Variants in HFM1 observed in about 807,000 individuals in gnomAD.
HFM1 encodes the protein helicase for meiosis 1.
HFM1 carries 169 observed loss-of-function variants against 192.1 expected under a neutral mutation model. The observed-to-expected ratio is 0.88, with a 90% CI of 0.78 to 1.00. HFM1 has a LOEUF of 1.00. Ranked by LOEUF, HFM1 falls within the 50% of genes least tolerant of loss-of-function variation. The probability of loss-of-function intolerance (pLI) is 0.00; values close to 1 mark genes in which losing one functional copy is unlikely to be tolerated. For missense variants in HFM1, 1,661 were observed against 1,668.0 expected (o/e 1.00, Z 0.07); for synonymous variants, 525 against 537.8 (o/e 0.98, Z 0.33).
At chr1:91,394,533 C>T (rs1663411829) in intron 3 of HFM1, 131 bp from the exon 4 acceptor site, 6 of 602,468 alleles carry the variant, frequency 1.0e-5, no homozygotes, top group Non-Finnish European at 1.7e-5. Flanking sequence ...GTAATAAGCT[C>T]ATCTGTAATA....
At chr1:91,277,214 T>A (rs1666910541) in intron 30 of HFM1, 152 bp from the exon 31 acceptor site, 1 of 450,628 alleles carries the variant, frequency 2.2e-6, no homozygotes, top group Non-Finnish European at 3.8e-6. Context: ...CCACGTAATT[T>A]TTTTTTTAAT....
chr1:91,292,858 T>G (rs1057486739), intron 30 of HFM1, among the ~76,000 whole-genome samples: 1 of 152,048 alleles, frequency 6.6e-6, no homozygotes, highest in African/African-American at 2.4e-5. Flanking sequence ...AACAGAGATA[T>G]AGATCAATGG....
intron 34 of HFM1, among the ~76,000 whole-genome samples, chr1:91,271,127 C>T (rs1034090052): frequency 9.9e-5 from 15 of 152,030 alleles, no homozygotes; most frequent in African/African-American, 3.4e-4. Context: ...ACGACCCAAT[C>T]GTCAGGTTAC....
Position 91,397,028 on chromosome 1 carries a change from G to A in HFM1, c.72-623C>T, listed in dbSNP as rs539667847. Reference sequence around the variant, plus strand: ...GGGCTCTAGGTTGCATGCTCCTTATGAGAATCTAACTAATGTCTGATGATC... The same window carrying A: ...GGGCTCTAGGTTGCATGCTCCTTATAAGAATCTAACTAATGTCTGATGATC... On this transcript the variant is annotated intron_variant, in intron 2 of 38. Transcript: ENST00000370425. Among the ~76,000 whole-genome samples the A allele has an allele frequency of 2.0e-5, 3 of 152,324 alleles. No homozygotes were observed. In the South Asian group the frequency reaches 6.2e-4, roughly 32 times the overall value.
At chr1:91,304,950 G>A (rs1649390986) in intron 30 of HFM1, among the ~76,000 whole-genome samples, 1 of 151,880 alleles carries the variant, frequency 6.6e-6, no homozygotes, top group Admixed American at 6.6e-5. Context: ...AATTGTTTTG[G>A]CATCCTTGTC....
At chr1:91,398,397 C>A (rs938599945) in intron 2 of HFM1, among the ~76,000 whole-genome samples, 1 of 152,128 alleles carries the variant, frequency 6.6e-6, no homozygotes, top group Non-Finnish European at 1.5e-5. Flanking sequence ...TTTATCATTT[C>A]CTTTGTGTTT....
intron 6 of HFM1, among the ~76,000 whole-genome samples, chr1:91,384,555 A>G (rs765189014): frequency 6.6e-6 from 1 of 152,072 alleles, no homozygotes; most frequent in African/African-American, 2.4e-5. Flanking sequence ...ACCCAGTTCA[A>G]CCCAATTTGG....
upstream of HFM1, among the ~76,000 whole-genome samples, chr1:91,406,600 AT>A (rs770726228): frequency 2.0e-5 from 3 of 152,232 alleles, no homozygotes; most frequent in Non-Finnish European, 4.4e-5. Flanking sequence ...ATGTTGCCAC[AT>A]TTCTCAAGAA....
intron 13 of HFM1, among the ~76,000 whole-genome samples, chr1:91,353,652 CAAAAAA>C (rs1553213572): frequency 3.1e-5 from 2 of 65,428 alleles, no homozygotes; most frequent in Non-Finnish European, 6.4e-5. Context: ...AGTAAATAAG[CAAAAAA>C]AAAAAAAAAA....
chr1:91,296,675 T>A (rs929789472), intron 30 of HFM1, among the ~76,000 whole-genome samples: 2 of 152,172 alleles, frequency 1.3e-5, no homozygotes, highest in Non-Finnish European at 2.9e-5. Flanking sequence ...CTTAATTAAG[T>A]ATGTTTTCCC....
At position 91,267,804 on chromosome 1, in the gene HFM1, T is replaced by G. The variant is rs376093340; in HGVS notation, c.3824A>C (p.Asp1275Ala). 7.8e-5 allele frequency: 123 copies of G among 1,580,972 alleles called. No homozygotes were observed. Among genetic ancestry groups the G allele is most frequent in the Non-Finnish European group, 9.7e-5 (113 of 1,168,592 alleles). ...GCTAGTAACTTCTAAGTTTTCATCA[T>G]CAAAATCATCCCAAACTTCATTTCC... ...ELGNEVWDDF[D>A]DENLEVTSFS... The change falls in exon 35 of 39, where the codon GAT (aspartate) becomes GCT (alanine). Residue 1275 changes from aspartate to alanine, a missense_variant. Transcript: ENST00000370425.
At position 91,352,562 on chromosome 1, in the gene HFM1, C is replaced by T. The variant is rs1429205574; in HGVS notation, c.1921G>A (p.Glu641Lys). ...AGAATATCTGTTTCACTGTACTCTT[C>T]AAACAGTCCTCCAGCATAATGCATT... ...STMHYAGGLFEEYSETDILQM... is the reference protein window; with the variant it reads ...STMHYAGGLFKEYSETDILQM... Residue 641 changes from glutamate to lysine, a missense_variant, in exon 16 of 39, where the codon GAA becomes AAA. Coordinates refer to ENST00000370425, the MANE Select transcript of HFM1 (RefSeq NM_001017975.6). 1 of 1,609,940 alleles carries T rather than the reference C, an allele frequency of 6.2e-7. No individual in the cohort carries two copies. Among genetic ancestry groups the T allele is most frequent in the South Asian group, 1.1e-5 (1 of 90,496 alleles).
rs758649359 is a variant in HFM1 at position 91,343,456 on chromosome 1, T to A, written c.2309A>T (p.Asp770Val). The change falls in exon 20 of 39, where the codon GAT becomes GTT. Residue 770 changes from aspartate (D) to valine (V), a missense_variant. By Grantham distance (152) the Asp-to-Val change is radical. Coordinates refer to ENST00000370425, the MANE Select transcript of HFM1 (RefSeq NM_001017975.6). The part of the protein sequence containing the change: ...DLSSLDLIKM[D>V]EGVNFKPTEA... ...AGTTGGTTTGAAATTAACACCTTCA[T>A]CCATCTTTATTAAGTCCAGGGATGA... The A allele has an allele frequency of 1.4e-6, 2 of 1,444,210 alleles. No individual in the cohort carries two copies. Among genetic ancestry groups the A allele is most frequent in the Admixed American group, 3.8e-5 (2 of 52,706 alleles). The allele number at this position is 1,444,210 out of a possible 1,614,324, so 89.5% of individuals were successfully genotyped here.
intron 30 of HFM1, among the ~76,000 whole-genome samples, chr1:91,307,832 CTCTT>C (rs1649865043): frequency 6.6e-6 from 1 of 151,898 alleles, no homozygotes; most frequent in African/African-American, 2.4e-5. Flanking sequence ...CTCTTTCTTC[CTCTT>C]TCTTTCTCTT....
At chr1:91,393,143 C>A (rs1663218619) in intron 4 of HFM1, among the ~76,000 whole-genome samples, 1 of 152,118 alleles carries the variant, frequency 6.6e-6, no homozygotes, top group Admixed American at 6.6e-5. Context: ...GCTGTTATTA[C>A]AAACATTATA....
intron 20 of HFM1, among the ~76,000 whole-genome samples, chr1:91,333,655 G>A (rs1430378221): frequency 6.6e-6 from 1 of 152,174 alleles, no homozygotes; most frequent in East Asian, 1.9e-4. Context: ...ATAAATACTT[G>A]AGGGGATGGA....
chr1:91,321,379 G>A (rs1438542068), intron 23 of HFM1, among the ~76,000 whole-genome samples: 3 of 152,160 alleles, frequency 2.0e-5, no homozygotes, highest in Non-Finnish European at 4.4e-5. Flanking sequence ...GGGAGGCAGA[G>A]GTTGCAGTGA....
intron 11 of HFM1, chr1:91,377,637 C>G (rs1284884205): frequency 5.0e-6 from 1 of 198,998 alleles, no homozygotes; most frequent in Non-Finnish European, 1.0e-5. Context: ...GCCAAGCATA[C>G]AGAATTGAGG....
chr1:91,374,691 G>C (rs1321577634), intron 13 of HFM1, among the ~76,000 whole-genome samples: 1 of 152,124 alleles, frequency 6.6e-6, no homozygotes, highest in Admixed American at 6.6e-5. Context: ...GTTCTATTTG[G>C]TACATAGTGA....
Sources: allele counts gnomAD v4.1 joint callset (sites outside exome capture counted in the v4.1 genomes callset), GRCh38; gene constraint gnomAD v4.1.1; transcripts MANE v1.5; gene names NCBI Gene and HGNC (gene_info 2026-07-23, HGNC 2026-07-21).